Variants in SLC2A13 observed in about 807,000 individuals in gnomAD.
The protein encoded by SLC2A13 is proton myo-inositol cotransporter.
In SLC2A13, 32 loss-of-function variants were observed where a neutral mutation model predicts 64.4. The observed-to-expected ratio is 0.50, with a 90% CI of 0.37 to 0.67. SLC2A13 has a LOEUF of 0.67. Among genes scored for constraint, SLC2A13 ranks in the 30% least tolerant of loss-of-function variants. The probability of loss-of-function intolerance (pLI) is 0.00; values close to 1 mark genes in which losing one functional copy is unlikely to be tolerated. For missense variants in SLC2A13, 743 were observed against 829.2 expected (o/e 0.90, Z 1.28); for synonymous variants, 338 against 327.1 (o/e 1.03, Z -0.36).
At chr12:39,858,793 A>T (rs1242579528) in intron 6 of SLC2A13, among the ~76,000 whole-genome samples, 1 of 152,104 alleles carries the variant, frequency 6.6e-6, no homozygotes, top group Non-Finnish European at 1.5e-5. Flanking sequence ...TTTTTGGTAG[A>T]GATGGAATTT....
intron 4 of SLC2A13, among the ~76,000 whole-genome samples, chr12:39,941,886 A>G (rs763780537): frequency 3.7e-4 from 57 of 152,286 alleles, no homozygotes; most frequent in Non-Finnish European, 7.6e-4. Flanking sequence ...TTGATTTTTC[A>G]TAAGGTGAGA....
intron 4 of SLC2A13, among the ~76,000 whole-genome samples, chr12:39,891,421 A>T (rs1292538752): frequency 6.6e-6 from 1 of 152,102 alleles, no homozygotes; most frequent in Non-Finnish European, 1.5e-5. Flanking sequence ...TTGTCTCCTC[A>T]GTAAATATCA....
chr12:40,072,140 T>A (rs7304279), intron 1 of SLC2A13, among the ~76,000 whole-genome samples: 3 of 152,130 alleles, frequency 2.0e-5, no homozygotes, highest in African/African-American at 7.2e-5. Flanking sequence ...TTTGCTATTT[T>A]TATTCAGATT....
Position 39,769,856 on chromosome 12 carries a change from C to T in SLC2A13, c.1446-4998G>A, listed in dbSNP as rs115318822. 2.9e-3 allele frequency among the ~76,000 whole-genome samples: 438 copies of T among 152,218 alleles called. 1 individual carries two copies. The highest frequency in any genetic ancestry group is 1.0e-2 in the African/African-American group (414 of 41,546). On this transcript the variant is annotated intron_variant, in intron 7 of 9. Transcript: ENST00000280871. ...ACAATCCTTCTTTCACAGCCCAACT[C>T]TCCCACCCTCCCAGATGCTGGCTAA...
In SLC2A13 at chr12:40,091,850, A is replaced by G. The variant is rs376249142; in HGVS notation, c.556+13403T>C. ...GGAAGAAAAATTCACATTAATTACT[A>G]CAATAATGGCTAATGTTTTCTGAGC... On this transcript the variant is annotated intron_variant, in intron 1 of 9. Transcript: ENST00000280871. Among the ~76,000 whole-genome samples, 8 of 152,218 alleles carry G rather than the reference A, an allele frequency of 5.3e-5. No homozygotes were observed. The East Asian group carries it at 1.5e-3, about 29-fold the overall frequency.
At chr12:39,905,884 T>C (rs1458505905) in intron 4 of SLC2A13, among the ~76,000 whole-genome samples, 1 of 151,726 alleles carries the variant, frequency 6.6e-6, no homozygotes, top group Non-Finnish European at 1.5e-5. Flanking sequence ...AGATGAGATG[T>C]CCTTTGAAAA....
chr12:40,076,901 C>A (rs1054769184), intron 1 of SLC2A13, among the ~76,000 whole-genome samples: 1 of 152,098 alleles, frequency 6.6e-6, no homozygotes, highest in Non-Finnish European at 1.5e-5. Flanking sequence ...ATCTGCATTT[C>A]TTTAATGATT....
At position 39,759,415 on chromosome 12, in the gene SLC2A13, A is replaced by T. The variant is rs1940057329; in HGVS notation, c.*611T>A. On this transcript the variant is annotated 3_prime_UTR_variant, in exon 10 of 10. Coordinates refer to ENST00000280871, the MANE Select transcript of SLC2A13 (RefSeq NM_052885.4). ...TAGTGTGCAGAGTCAGTATCTGAAG[A>T]ACTCCCAATATCTGAATTGGAGAGA... The T allele has an allele frequency of 1.3e-5, 2 of 152,450 alleles. No homozygotes were observed. The highest frequency in any genetic ancestry group is 1.3e-4 in the Admixed American group (2 of 15,212). The allele number at this position is 152,450 out of a possible 1,614,324, so 9.4% of individuals were successfully genotyped here. A position where few individuals can be genotyped will look rare whatever the true frequency, so the allele number is the denominator to read the frequency against.
At chr12:39,807,956 G>A (rs113697497) in intron 7 of SLC2A13, among the ~76,000 whole-genome samples, 1 of 152,086 alleles carries the variant, frequency 6.6e-6, no homozygotes, top group Non-Finnish European at 1.5e-5. Context: ...TGGAAGTCAA[G>A]AAATCCAGTA....
chr12:39,812,758 C>T lies in SLC2A13; in HGVS notation c.1445+17345G>A, dbSNP rs113329284. Among the ~76,000 whole-genome samples the T allele has an allele frequency of 9.8e-3, 1,483 of 151,106 alleles. 14 individuals carry two copies. The highest frequency in any genetic ancestry group is 0.014 in the Non-Finnish European group (967 of 67,874). On this transcript the variant is annotated intron_variant, in intron 7 of 9. Coordinates refer to ENST00000280871, the MANE Select transcript of SLC2A13 (RefSeq NM_052885.4). ...AACTGCTGGGATTACGGGCGTGAGT[C>T]ATTGCACCTGGCGGTTTCTAATTTC...
At chr12:39,951,803 A>G (rs1946236285) in intron 3 of SLC2A13, among the ~76,000 whole-genome samples, 1 of 152,218 alleles carries the variant, frequency 6.6e-6, no homozygotes, top group Non-Finnish European at 1.5e-5. Context: ...TAAGAAAAGC[A>G]TTCATTAAGA....
At chr12:39,980,074 A>G (rs1946859133) in intron 3 of SLC2A13, among the ~76,000 whole-genome samples, 1 of 152,070 alleles carries the variant, frequency 6.6e-6, no homozygotes, top group Non-Finnish European at 1.5e-5. Context: ...AGCCAAACAA[A>G]GCTTCATAAG....
rs755242782 is a variant in SLC2A13 at position 40,048,174 on chromosome 12, T to G, written c.593A>C (p.Glu198Ala). ...GCCTCTTAAATTGGGTGGTGAGACC[T>G]CCGCAATGTACACTGGCACTGTCAT... ...ASMTVPVYIA[E>A]VSPPNLRGRL... The change falls in exon 2 of 10, where the codon GAG (glutamate) becomes GCG (alanine). Residue 198 changes from glutamate (E) to alanine (A), a missense_variant. By Grantham distance (107) the Glu-to-Ala change is moderately radical (BLOSUM62 -1). Coordinates refer to ENST00000280871, the MANE Select transcript of SLC2A13 (RefSeq NM_052885.4). 1 of 1,613,080 alleles carries G rather than the reference T, an allele frequency of 6.2e-7. No individual in the cohort carries two copies. Among genetic ancestry groups the G allele is most frequent in the Non-Finnish European group, 8.5e-7 (1 of 1,179,616 alleles).
intron 7 of SLC2A13, among the ~76,000 whole-genome samples, chr12:39,789,711 T>A (rs1383004436): frequency 2.0e-5 from 3 of 152,152 alleles, no homozygotes; most frequent in Non-Finnish European, 4.4e-5. Flanking sequence ...AGCCAACATT[T>A]CTTTTTTAAG....
chr12:39,982,620 G>A (rs961603862), intron 3 of SLC2A13, among the ~76,000 whole-genome samples: 1 of 149,302 alleles, frequency 6.7e-6, no homozygotes, highest in Non-Finnish European at 1.5e-5. Context: ...CAACTTACAA[G>A]GGATGTGAAG....
chr12:40,059,892 A>G (rs765956086), intron 1 of SLC2A13, among the ~76,000 whole-genome samples: 1 of 152,122 alleles, frequency 6.6e-6, no homozygotes, highest in Admixed American at 6.6e-5. Flanking sequence ...ATAATCCACA[A>G]TGGAAGATTA....
At chr12:40,066,777 G>A (rs1381966957) in intron 1 of SLC2A13, among the ~76,000 whole-genome samples, 1 of 152,100 alleles carries the variant, frequency 6.6e-6, no homozygotes, top group Non-Finnish European at 1.5e-5. Flanking sequence ...AACTAAGCTT[G>A]CAAGTTAAAA....
chr12:40,027,378 C>G (rs897651174), intron 3 of SLC2A13, among the ~76,000 whole-genome samples: 1 of 152,144 alleles, frequency 6.6e-6, no homozygotes, highest in Non-Finnish European at 1.5e-5. Flanking sequence ...ATCTCAGCAA[C>G]AAAGTGACAG....
intron 4 of SLC2A13, among the ~76,000 whole-genome samples, chr12:39,922,613 C>T (rs1176888867): frequency 6.6e-6 from 1 of 152,178 alleles, no homozygotes; most frequent in Non-Finnish European, 1.5e-5. Context: ...TCAAGATATT[C>T]CTAGACTTTT....
Sources: allele counts gnomAD v4.1 joint callset (sites outside exome capture counted in the v4.1 genomes callset), GRCh38; gene constraint gnomAD v4.1.1; transcripts MANE v1.5; gene names NCBI Gene and HGNC (gene_info 2026-07-23, HGNC 2026-07-21).